TFAP2A: variants seen among roughly 807,000 people sequenced by gnomAD.
TFAP2A encodes the protein transcription factor AP-2 alpha.
TFAP2A carries 7 observed loss-of-function variants against 41.5 expected under a neutral mutation model. That is an observed-to-expected ratio of 0.17 (90% CI 0.10 to 0.32). TFAP2A has a LOEUF of 0.32. TFAP2A is among the 10% of genes least tolerant of loss of function. The probability of loss-of-function intolerance (pLI) is 1.00; values close to 1 mark genes in which losing one functional copy is unlikely to be tolerated. For synonymous variants in TFAP2A, 247 were observed against 242.8 expected (o/e 1.02, Z -0.16); for missense variants, 416 against 563.3 (o/e 0.74, Z 2.65).
At chr6:10,406,635 G>C in intron 3 of TFAP2A, 158 bp downstream of exon 3, 1 of 687,686 alleles carries the variant, frequency 1.5e-6, no homozygotes, top group Middle Eastern at 3.2e-4. Flanking sequence ...CATACTGAAG[G>C]CTGATTATTT....
intron 1 of TFAP2A, chr6:10,411,856 A>G: frequency 7.3e-7 from 1 of 1,365,192 alleles, no homozygotes; most frequent in South Asian, 1.6e-5. Context: ...GTTATGATTC[A>G]AAGTTCTTTA....
chr6:10,405,661 T>C (rs1208060219), intron 3 of TFAP2A: 1 of 152,248 alleles, frequency 6.6e-6, no homozygotes, highest in Non-Finnish European at 1.5e-5. Context: ...TTCAGATGCA[T>C]TCACAACCAT....
upstream of TFAP2A, among the ~76,000 whole-genome samples, chr6:10,418,973 C>G (rs1226031863): frequency 6.6e-6 from 1 of 152,210 alleles, no homozygotes; most frequent in Non-Finnish European, 1.5e-5. Context: ...GTCCAACACT[C>G]AACCCTGGGG....
Position 10,406,833 on chromosome 6 carries a change from G to T in TFAP2A, c.498C>A (p.Asp166Glu), listed in dbSNP as rs1757737398. ...TTTGATCTGGGATGTTAATACCCGG[G>T]TCTTCTACATGCTGCAACAAAAGGA... ...HAIEEVPHVE[D>E]PGINIPDQTV... The change falls in exon 3 of 7, where the codon GAC (aspartate) becomes GAA (glutamate). Residue 166 changes from aspartate to glutamate, a missense_variant. Asp to Glu is a conservative substitution (Grantham distance 45, BLOSUM62 2). This residue lies in a region of TFAP2A where 241 missense variants were observed against 274.1 expected (regional missense o/e 0.88). Coordinates refer to ENST00000379613, the MANE Select transcript of TFAP2A (RefSeq NM_001372066.1). 1 of 1,613,076 alleles carries T rather than the reference G, an allele frequency of 6.2e-7. No homozygotes were observed. Among genetic ancestry groups the T allele is most frequent in the Non-Finnish European group, 8.5e-7 (1 of 1,179,178 alleles).
At chr6:10,404,907 G>A (rs1366484601) in intron 3 of TFAP2A, 168 bp from the exon 4 acceptor site, 19 of 661,788 alleles carry the variant, frequency 2.9e-5, no homozygotes, top group Admixed American at 5.4e-5. Flanking sequence ...CCCTTCCTCG[G>A]GCTCGAGCCC....
chr6:10,414,459 A>G (rs564117680), intron 1 of TFAP2A: 61 of 260,452 alleles, frequency 2.3e-4, no homozygotes, highest in Non-Finnish European at 4.2e-4. Context: ...GGGTGGGGGG[A>G]AGAAAGAATG....
intron 1 of TFAP2A, chr6:10,412,809 C>A (rs1231706392): frequency 5.3e-6 from 1 of 189,110 alleles, no homozygotes; most frequent in Non-Finnish European, 1.1e-5. Flanking sequence ...GGGACCGGCC[C>A]GCTCGCTGCA....
intron 1 of TFAP2A, chr6:10,414,464 AGAATGAATGAAT>A (rs3834293): frequency 3.0e-5 from 8 of 266,862 alleles, no homozygotes; most frequent in Admixed American, 9.9e-5. Context: ...GGGGGAAGAA[AGAATGAATGAAT>A]GAATGAATGA....
chr6:10,414,755 C>A, intron 1 of TFAP2A, 186 bp downstream of exon 1: 1 of 782,252 alleles, frequency 1.3e-6, no homozygotes. Flanking sequence ...AAGAAGGGAG[C>A]ATCCACGTCC....
chr6:10,402,475 C>G lies in TFAP2A; in HGVS notation c.889+17G>C. On this transcript the variant is annotated intron_variant, in intron 5 of 6. Coordinates refer to ENST00000379613, the MANE Select transcript of TFAP2A (RefSeq NM_001372066.1). ...CAAGAAGGAAGTTCCTTCTAGTTAGCAAGTGGATTCGCTTACCCTCTACTA... is the reference window on the plus strand; with the variant it reads ...CAAGAAGGAAGTTCCTTCTAGTTAGGAAGTGGATTCGCTTACCCTCTACTA... 1 of 1,566,538 alleles carries G rather than the reference C, an allele frequency of 6.4e-7. No individual in the cohort carries two copies. The highest frequency in any genetic ancestry group is 1.1e-5 in the South Asian group (1 of 90,156).
Position 10,410,129 on chromosome 6 carries a change from G to A in TFAP2A, c.258C>T (p.Pro86=), listed in dbSNP as rs774713482. The change falls in exon 2 of 7, where the codon CCC becomes CCT. Residue 86 remains proline, a synonymous_variant. Coordinates refer to ENST00000379613, the MANE Select transcript of TFAP2A (RefSeq NM_001372066.1). The stretch of plus-strand genomic sequence containing the variant: ...GCTGCGGCTGCGGCTGGGCGTGCAG[G>A]GGGTTCAGGCTGTAGGGGTCGTTGA... ...SHVNDPYSLN[P]LHAQPQPQHP... The A allele has an allele frequency of 6.2e-7, 1 of 1,612,604 alleles. No individual in the cohort carries two copies. Among genetic ancestry groups the A allele is most frequent in the South Asian group, 1.1e-5 (1 of 91,032 alleles).
Position 10,398,290 on chromosome 6 carries a change from GGCGGCGGCA to G in TFAP2A, c.*118_*126del, listed in dbSNP as rs1761863747. Reference sequence around the variant, plus strand: ...GGGACCCAAGGGCAGCGGCGGCGGCGGCGGCGGCAGCAGCAGCAGCAGTAGCAGCAGCAG... The same window carrying G: ...GGGACCCAAGGGCAGCGGCGGCGGCGGCAGCAGCAGCAGTAGCAGCAGCAG... On this transcript the variant is annotated 3_prime_UTR_variant, in exon 7 of 7. Coordinates refer to ENST00000379613, the MANE Select transcript of TFAP2A (RefSeq NM_001372066.1). The surrounding 1 kb of genome is among the most constrained non-coding windows in gnomAD (Gnocchi z 5.3). The G allele has an allele frequency of 6.3e-7, 1 of 1,586,002 alleles. No individual in the cohort carries two copies. Among genetic ancestry groups the G allele is most frequent in the East Asian group, 2.3e-5 (1 of 44,160 alleles).
In TFAP2A at chr6:10,410,309, C is replaced by T. The variant is rs1757904436; in HGVS notation, c.78G>A (p.Gly26=). 8.1e-6 allele frequency: 13 copies of T among 1,612,160 alleles called. No individual in the cohort carries two copies. The highest frequency in any genetic ancestry group is 1.1e-5 in the Non-Finnish European group (13 of 1,179,540). ...CEDRHDGTSN[G]TARLPQLGTV... The stretch of plus-strand genomic sequence containing the variant: ...TGCCCAGCTGGGGCAACCGTGCCGT[C>T]CCGTTGCTGGTGCCGTCGTGACGGT... Residue 26 remains glycine (G), a synonymous_variant, in exon 2 of 7, where the codon GGG becomes GGA. Coordinates refer to ENST00000379613, the MANE Select transcript of TFAP2A (RefSeq NM_001372066.1).
In TFAP2A at chr6:10,402,582, A is replaced by G. The variant is rs769053661; in HGVS notation, c.799T>C (p.Leu267=). Residue 267 remains leucine (L), a synonymous_variant, in exon 5 of 7, where the codon TTA becomes CTA. Coordinates refer to ENST00000379613, the MANE Select transcript of TFAP2A (RefSeq NM_001372066.1). ...CCTATTTTGTCCAGTTTTTCTCTTAAAGATCTTCCTCCATTTTTAGACTTC... is the reference window on the plus strand; with the variant it reads ...CCTATTTTGTCCAGTTTTTCTCTTAGAGATCTTCCTCCATTTTTAGACTTC... ...RAKSKNGGRS[L]REKLDKIGLN... is the part of the protein sequence containing the mutation. The G allele has an allele frequency of 4.3e-6, 7 of 1,613,912 alleles. No individual in the cohort carries two copies. Among genetic ancestry groups the G allele is most frequent in the Admixed American group, 3.3e-5 (2 of 60,008 alleles).
upstream of TFAP2A, chr6:10,415,337 T>G: frequency 3.3e-6 from 4 of 1,212,958 alleles, no homozygotes; most frequent in Non-Finnish European, 2.1e-6. Flanking sequence ...AATAGTCCAA[T>G]TGCTCGCCAG....
In TFAP2A at chr6:10,397,214, CAGAA is replaced by C. The variant is rs1275758017; in HGVS notation, c.*1199_*1202del. ...TCCCAAATGTTTGAAGTTCTTTGAACAGAAAGAGAGAGGAGAGAGAGAGAGAGAG... is the reference window on the plus strand; with the variant it reads ...TCCCAAATGTTTGAAGTTCTTTGAACAGAGAGAGGAGAGAGAGAGAGAGAG... On this transcript the variant is annotated 3_prime_UTR_variant, in exon 7 of 7. Coordinates refer to ENST00000379613, the MANE Select transcript of TFAP2A (RefSeq NM_001372066.1). The C allele has an allele frequency of 1.3e-5, 2 of 151,726 alleles. No individual in the cohort carries two copies. Among genetic ancestry groups the C allele is most frequent in the African/African-American group, 2.4e-5 (1 of 41,264 alleles). The allele number at this position is 151,726 out of a possible 1,614,324, so 9.4% of individuals were successfully genotyped here.
In TFAP2A at chr6:10,409,952, T is replaced by C. The variant is rs777729482; in HGVS notation, c.435A>G (p.Gly145=). The C allele has an allele frequency of 6.4e-7, 1 of 1,567,192 alleles. No homozygotes were observed. The highest frequency in any genetic ancestry group is 8.6e-7 in the Non-Finnish European group (1 of 1,156,100). Reference sequence around the variant, plus strand: ...AGGAGTGGATCGAGAGGTCTCCGAGTCCTGAGCTGAGCGCGTGTGGGCCGT... The same window carrying C: ...AGGAGTGGATCGAGAGGTCTCCGAGCCCTGAGCTGAGCGCGTGTGGGCCGT... ...LLHGPHALSS[G]LGDLSIHSLP... is the part of the protein sequence containing the mutation. Residue 145 remains glycine (G), a synonymous_variant, in exon 2 of 7, where the codon GGA becomes GGG. Transcript: ENST00000379613.
At chr6:10,409,448 A>G (rs1298315832) in intron 2 of TFAP2A, 2 of 183,816 alleles carry the variant, frequency 1.1e-5, no homozygotes, top group African/African-American at 4.8e-5. Context: ...TCCGGTTAAA[A>G]TGATCTTAGT....
Position 10,398,919 on chromosome 6 carries a change from C to T in TFAP2A, c.1032-214G>A, listed in dbSNP as rs1761899838. Among the ~76,000 whole-genome samples, 1 of 152,178 alleles carries T rather than the reference C, an allele frequency of 6.6e-6. No individual in the cohort carries two copies. Reference sequence around the variant, plus strand: ...TAAACCATCTCTCTTTACTTCCTACCTTCACAAATGACTCTCTCTCTCTTT... The same window carrying T: ...TAAACCATCTCTCTTTACTTCCTACTTTCACAAATGACTCTCTCTCTCTTT... On this transcript the variant is annotated intron_variant, in intron 6 of 6. Transcript: ENST00000379613. This position sits in a 1 kb window ranked among gnomAD's most constrained non-coding sequence, Gnocchi z 5.3.
Sources: gnomAD v4.1 joint callset for allele counts (sites outside exome capture counted in the v4.1 genomes callset) on GRCh38, gnomAD v4.1.1 for gene constraint, gnomAD v4.1.1 regional missense constraint, Gnocchi (gnomAD v3.1) non-coding constraint, MANE v1.5 for transcripts, NCBI Gene and HGNC (gene_info 2026-07-23, HGNC 2026-07-21) for gene names.